Variants in ITGBL1 observed in about 807,000 individuals in gnomAD.
ITGBL1 encodes integrin subunit beta like 1.
A neutral mutation model predicts 68.5 loss-of-function variants in ITGBL1; 51 were observed. The observed-to-expected ratio is 0.74, with a 90% CI of 0.59 to 0.94. The LOEUF is 0.94. Ranked by LOEUF, ITGBL1 falls within the 40% of genes least tolerant of loss-of-function variation. The pLI is 0.00. For synonymous variants in ITGBL1, 209 were observed against 227.3 expected, an observed-to-expected ratio of 0.92 and a Z score of 0.72; for missense variants, 649 against 647.4, an observed-to-expected ratio of 1.00 and a Z score of -0.03.
At chr13:101,667,185 A>G (rs911577337) in intron 7 of ITGBL1, among the ~76,000 whole-genome samples, 7 of 152,172 alleles carry the variant, frequency 4.6e-5, no homozygotes, top group African/African-American at 1.7e-4. Flanking sequence ...ACCAAGAATA[A>G]TGTATGGCCA....
At chr13:101,492,941 C>T (rs1462533110) in intron 2 of ITGBL1, among the ~76,000 whole-genome samples, 3 of 152,210 alleles carry the variant, frequency 2.0e-5, no homozygotes, top group African/African-American at 4.8e-5. Flanking sequence ...TTCAGGCTGC[C>T]TAAGGATAAA....
At chr13:101,455,249 T>C (rs1344216687) in intron 2 of ITGBL1, among the ~76,000 whole-genome samples, 2 of 152,198 alleles carry the variant, frequency 1.3e-5, no homozygotes, top group Non-Finnish European at 2.9e-5. Context: ...GGCCCAGTAG[T>C]GTATAAGTTA....
At chr13:101,670,646 G>A (rs2033335985) in intron 7 of ITGBL1, among the ~76,000 whole-genome samples, 1 of 152,128 alleles carries the variant, frequency 6.6e-6, no homozygotes, top group Admixed American at 6.5e-5. Context: ...TCTTTGGCAG[G>A]CTTCCCCAGT....
chr13:101,575,569 A>C (rs1232903609), intron 4 of ITGBL1, 23 bp downstream of exon 4: 2 of 1,605,002 alleles, frequency 1.2e-6, no homozygotes, highest in Non-Finnish European at 1.7e-6. Context: ...GCTCTGTAGA[A>C]ATTAATAAAA....
intron 2 of ITGBL1, among the ~76,000 whole-genome samples, chr13:101,460,369 G>A (rs752632105): frequency 6.6e-6 from 1 of 152,106 alleles, no homozygotes; most frequent in South Asian, 2.1e-4. Flanking sequence ...TGTAGTTTTT[G>A]GAAACACATT....
At chr13:101,467,382 TGA>T (rs764292170) in intron 2 of ITGBL1, among the ~76,000 whole-genome samples, 4 of 152,196 alleles carry the variant, frequency 2.6e-5, no homozygotes, top group African/African-American at 4.8e-5. Flanking sequence ...ACAGCTAGAC[TGA>T]GAGTATCAGG....
chr13:101,564,244 C>T (rs910798414), intron 2 of ITGBL1, among the ~76,000 whole-genome samples: 1 of 151,932 alleles, frequency 6.6e-6, no homozygotes, highest in Non-Finnish European at 1.5e-5. Flanking sequence ...TCCATACTTA[C>T]TATAAATTAG....
chr13:101,715,982 C>G lies in ITGBL1; in HGVS notation c.*328C>G. On this transcript the variant is annotated 3_prime_UTR_variant, in exon 11 of 11. Transcript: ENST00000376180. ...GTCGGGTAGGAAGGTATGCTGCAGA[C>G]ATTTGGTGGGTAGAGGCCAGGGATG... The G allele has an allele frequency of 3.6e-6, 1 of 280,104 alleles. No individual in the cohort carries two copies. Among genetic ancestry groups the G allele is most frequent in the Non-Finnish European group, 6.9e-6 (1 of 144,268 alleles). The allele number at this position is 280,104 out of a possible 1,614,324, so 17.4% of individuals were successfully genotyped here. A position where few individuals can be genotyped will look rare whatever the true frequency, so the allele number is the denominator to read the frequency against.
At chr13:101,603,350 G>A (rs1341162102) in intron 7 of ITGBL1, among the ~76,000 whole-genome samples, 1 of 151,882 alleles carries the variant, frequency 6.6e-6, no homozygotes, top group Non-Finnish European at 1.5e-5. Context: ...TTTCCCCTAA[G>A]GGTTGTAAGT....
chr13:101,603,573 G>T (rs927881875), intron 7 of ITGBL1, among the ~76,000 whole-genome samples: 5 of 151,580 alleles, frequency 3.3e-5, no homozygotes, highest in Non-Finnish European at 7.4e-5. Flanking sequence ...ACCAACACTT[G>T]TAATCTACAG....
chr13:101,708,026 A>AACACACACACACAC (rs3062945), intron 9 of ITGBL1, among the ~76,000 whole-genome samples: 6 of 144,338 alleles, frequency 4.2e-5, no homozygotes, highest in African/African-American at 7.7e-5. Flanking sequence ...CACACATGCA[A>AACACACACACACAC]ACACACACAC....
chr13:101,467,828 T>C (rs2048403875), intron 2 of ITGBL1, among the ~76,000 whole-genome samples: 1 of 152,158 alleles, frequency 6.6e-6, no homozygotes, highest in South Asian at 2.1e-4. Context: ...CCCACTCTAG[T>C]TTCCTGTTCT....
Position 101,453,891 on chromosome 13 carries a change from C to T in ITGBL1, c.107C>T (p.Pro36Leu), listed in dbSNP as rs1291127627. ...QSFSPSLRSWPGAACRLSRAE... is the reference protein window; with the variant it reads ...QSFSPSLRSWLGAACRLSRAE... ...GCTTGTCGCCCGCGCAGGAGCTGGC[C>T]GGGCGCCGCCTGCAGGCTGTCCCGG... The change falls in exon 2 of 11, where the codon CCG (proline) becomes CTG (leucine). Residue 36 changes from proline (P) to leucine (L), a missense_variant. Pro to Leu is a moderately conservative substitution (Grantham distance 98). Coordinates refer to ENST00000376180, the MANE Select transcript of ITGBL1 (RefSeq NM_004791.3). 1 of 1,246,146 alleles carries T rather than the reference C, an allele frequency of 8.0e-7. No homozygotes were observed. Among genetic ancestry groups the T allele is most frequent in the African/African-American group, 1.6e-5 (1 of 64,054 alleles). The allele number at this position is 1,246,146 out of a possible 1,614,324, so 77.2% of individuals were successfully genotyped here.
chr13:101,530,444 C>T (rs2049453968), intron 2 of ITGBL1, among the ~76,000 whole-genome samples: 1 of 152,046 alleles, frequency 6.6e-6, no homozygotes, highest in African/African-American at 2.4e-5. Flanking sequence ...TCAGGGTGAT[C>T]CTTTTCCCCA....
chr13:101,648,205 A>G (rs528775053), intron 7 of ITGBL1, among the ~76,000 whole-genome samples: 22 of 152,366 alleles, frequency 1.4e-4, no homozygotes, highest in African/African-American at 4.8e-4. Flanking sequence ...CAAACAAAAC[A>G]AATAAGCAGA....
chr13:101,519,781 A>G (rs1345443646), intron 2 of ITGBL1, among the ~76,000 whole-genome samples: 1 of 152,164 alleles, frequency 6.6e-6, no homozygotes, highest in African/African-American at 2.4e-5. Context: ...ACTTCCTGCT[A>G]TAAATGATGA....
chr13:101,500,138 A>G (rs2048917081), intron 2 of ITGBL1, among the ~76,000 whole-genome samples: 1 of 152,150 alleles, frequency 6.6e-6, no homozygotes, highest in Non-Finnish European at 1.5e-5. Context: ...TCCAGAATAC[A>G]CTTTGTTTAA....
Position 101,639,273 on chromosome 13 carries a change from G to T in ITGBL1, c.1015+40974G>T, listed in dbSNP as rs554843316. ...TTTCTATACCATATTTTCTACTCGT[G>T]GCCAATATTTCCCTGAGACAAAGTT... On this transcript the variant is annotated intron_variant, in intron 7 of 10. Coordinates refer to ENST00000376180, the MANE Select transcript of ITGBL1 (RefSeq NM_004791.3). 2.0e-5 allele frequency among the ~76,000 whole-genome samples: 3 copies of T among 152,104 alleles called. No homozygotes were observed. In the South Asian group the frequency reaches 6.2e-4, roughly 32 times the overall value.
intron 7 of ITGBL1, among the ~76,000 whole-genome samples, chr13:101,626,273 G>A (rs1185077200): frequency 6.6e-6 from 1 of 152,112 alleles, no homozygotes; most frequent in Non-Finnish European, 1.5e-5. Context: ...ACCACCCATG[G>A]ATTTTTATAG....
Sources: gnomAD v4.1 joint callset for allele counts (sites outside exome capture counted in the v4.1 genomes callset) on GRCh38, gnomAD v4.1.1 for gene constraint, MANE v1.5 for transcripts, NCBI Gene and HGNC (gene_info 2026-07-23, HGNC 2026-07-21) for gene names.